STRADA: variants seen among roughly 807,000 people sequenced by gnomAD.
STRADA encodes STE20-related kinase adapter protein alpha.
In STRADA, 26 loss-of-function variants were observed where a neutral mutation model predicts 55.0. The observed-to-expected ratio is 0.47, with a 90% confidence interval of 0.35 to 0.66. The LOEUF (loss-of-function observed/expected upper bound fraction) is 0.66. Among genes scored for constraint, STRADA ranks in the 30% least tolerant of loss-of-function variants. STRADA has a pLI of 0.01. For synonymous variants in STRADA, 197 were observed against 210.9 expected (o/e 0.93, Z 0.57); for missense variants, 443 against 549.7 (o/e 0.81, Z 1.94).
chr17:63,739,140 C>CAAAAAAAA (rs35963636), intron 1 of STRADA, among the ~76,000 whole-genome samples: 1 of 69,378 alleles, frequency 1.4e-5, no homozygotes. Context: ...GACTCCATCT[C>CAAAAAAAA]AAAAAAAAAA....
At chr17:63,740,173 C>CACAA (rs1405299241) in intron 1 of STRADA, among the ~76,000 whole-genome samples, 3 of 145,670 alleles carry the variant, frequency 2.1e-5, no homozygotes, top group Admixed American at 6.9e-5. Flanking sequence ...CACACACACA[C>CACAA]ACACACACAC....
intron 1 of STRADA, chr17:63,741,075 GAA>G (rs956304386): frequency 5.9e-5 from 9 of 151,924 alleles, no homozygotes; most frequent in African/African-American, 2.2e-4. Context: ...CTTTCTCCGG[GAA>G]AGTCAAGTTA....
At chr17:63,740,115 T>C (rs1249476329) in intron 1 of STRADA, among the ~76,000 whole-genome samples, 19 of 82,440 alleles carry the variant, frequency 2.3e-4, no homozygotes, top group African/African-American at 3.7e-4. Context: ...TATACATACA[T>C]ACATATATAT....
At chr17:63,739,140 CAAAAAAAA>C (rs35963636) in intron 1 of STRADA, among the ~76,000 whole-genome samples, 3 of 69,396 alleles carry the variant, frequency 4.3e-5, no homozygotes, top group Non-Finnish European at 7.7e-5. Flanking sequence ...GACTCCATCT[CAAAAAAAA>C]AAAAAAAAAA....
At chr17:63,734,289 T>C (rs1044608982) in intron 1 of STRADA, among the ~76,000 whole-genome samples, 4 of 152,320 alleles carry the variant, frequency 2.6e-5, no homozygotes, top group African/African-American at 9.6e-5. Context: ...GTTCTAAAAA[T>C]GCTTTTATTA....
chr17:63,713,933 C>T, intron 5 of STRADA, 73 bp downstream of exon 5: 4 of 1,248,670 alleles, frequency 3.2e-6, no homozygotes, highest in Non-Finnish European at 4.7e-6. Flanking sequence ...GTACACACAT[C>T]TGGGGCTGCT....
At chr17:63,738,210 G>A (rs1456743851) in intron 1 of STRADA, among the ~76,000 whole-genome samples, 3 of 150,646 alleles carry the variant, frequency 2.0e-5, no homozygotes, top group Non-Finnish European at 4.4e-5. Context: ...GCATGGTGGC[G>A]GGCACCTGTA....
intron 1 of STRADA, among the ~76,000 whole-genome samples, chr17:63,736,680 G>C (rs757370181): frequency 1.3e-5 from 2 of 151,692 alleles, no homozygotes; most frequent in Admixed American, 6.6e-5. Context: ...GATATCTCAA[G>C]ATGATAGCTA....
At chr17:63,730,668 G>A (rs2037975420) in intron 1 of STRADA, among the ~76,000 whole-genome samples, 1 of 151,460 alleles carries the variant, frequency 6.6e-6, no homozygotes, top group South Asian at 2.1e-4. Context: ...GTGATTCTCT[G>A]GCTTCAGCCT....
Position 63,704,601 on chromosome 17 carries a change from G to A in STRADA, c.859-19C>T. 2 of 1,346,268 alleles carry A rather than the reference G, an allele frequency of 1.5e-6. No individual in the cohort carries two copies. Among genetic ancestry groups the A allele is most frequent in the Non-Finnish European group, 1.9e-6 (2 of 1,033,454 alleles). 83.4% of individuals were successfully genotyped at this position (1,346,268 alleles called of 1,614,324 possible). On this transcript the variant is annotated intron_variant, in intron 10 of 12. Transcript: ENST00000336174. ...GCAGCATCTGGGGAGGACAGAACCA[G>A]GACCTGGGCTGTAGCGGGTGGGGGG... is the stretch of plus-strand genomic sequence containing the variant.
intron 10 of STRADA, chr17:63,704,789 A>T: frequency 6.5e-7 from 1 of 1,534,582 alleles, no homozygotes; most frequent in Non-Finnish European, 8.7e-7. Flanking sequence ...AGCCAGGCCA[A>T]CGTGAAAGGA....
rs36091754 is a variant in STRADA at position 63,728,735 on chromosome 17, T to TA, written c.-44-323dup. On this transcript the variant is annotated intron_variant, in intron 1 of 12. Coordinates refer to ENST00000336174, the MANE Select transcript of STRADA (RefSeq NM_001003787.4). ...CCAACATGGTGAAACCCCATCTCTA[T>TA]AAAAAAAAAAAAAAAAAAAAAAAAA... 1.4e-3 allele frequency among the ~76,000 whole-genome samples: 159 copies of TA among 112,376 alleles called. 1 individual carries two copies. Among genetic ancestry groups the TA allele is most frequent in the East Asian group, 5.0e-3 (19 of 3,828 alleles). The allele number at this position is 112,376 out of a possible 152,430, so 73.7% of individuals were successfully genotyped here. A position where few individuals can be genotyped will look rare whatever the true frequency, so the allele number is the denominator to read the frequency against.
intron 11 of STRADA, 37 bp from the exon 12 acceptor site, chr17:63,704,084 G>T (rs767459337): frequency 1.9e-6 from 3 of 1,605,740 alleles, no homozygotes; most frequent in Non-Finnish European, 2.6e-6. Flanking sequence ...CAGCATCACT[G>T]CCGTGTCCCC....
At chr17:63,741,865 C>A (rs945991612), upstream of STRADA, 1 of 152,406 alleles carries the variant, frequency 6.6e-6, no homozygotes, top group Non-Finnish European at 1.5e-5. Flanking sequence ...AGTGGGGCGA[C>A]CGGGAGGACT....
At position 63,709,441 on chromosome 17, in the gene STRADA, T is replaced by TC. The variant is rs141440256; in HGVS notation, c.581+1049dup. Among the ~76,000 whole-genome samples, 4 of 152,354 alleles carry TC rather than the reference T, an allele frequency of 2.6e-5. No individual in the cohort carries two copies. In the East Asian group the frequency reaches 7.7e-4, roughly 29 times the overall value. On this transcript the variant is annotated intron_variant, in intron 8 of 12. Coordinates refer to ENST00000336174, the MANE Select transcript of STRADA (RefSeq NM_001003787.4). ...TTGGCCCATTTTTCTTGCTTTGCTG[T>TC]CCATTTCTTGTTGATTTGCAAGATT...
intron 3 of STRADA, among the ~76,000 whole-genome samples, chr17:63,724,464 C>T (rs1308743094): frequency 7.5e-5 from 11 of 146,716 alleles, no homozygotes; most frequent in African/African-American, 2.3e-4. Context: ...TTTTTTGAGA[C>T]GGAGTCTCCC....
At chr17:63,740,123 T>TATATATATATAC in intron 1 of STRADA, among the ~76,000 whole-genome samples, 1 of 78,422 alleles carries the variant, frequency 1.3e-5, no homozygotes, top group South Asian at 5.6e-4. Context: ...CATACATATA[T>TATATATATATAC]ATATACACAT....
In STRADA at chr17:63,724,694, G is replaced by A. The variant is rs142623778; in HGVS notation, c.95-1368C>T. On this transcript the variant is annotated intron_variant, in intron 3 of 12. Coordinates refer to ENST00000336174, the MANE Select transcript of STRADA (RefSeq NM_001003787.4). ...CCCAAAGTGCTGGGATTCCATGCAT[G>A]AGCCACCGTGCCCAGCCTCATTGTT... 2.6e-3 allele frequency among the ~76,000 whole-genome samples: 397 copies of A among 151,880 alleles called. 2 individuals are homozygous for A. The highest frequency in any genetic ancestry group is 0.01 in the Middle Eastern group (3 of 288).
chr17:63,716,743 G>A (rs1310556525), intron 4 of STRADA, among the ~76,000 whole-genome samples: 1 of 152,194 alleles, frequency 6.6e-6, no homozygotes, highest in South Asian at 2.1e-4. Context: ...AAGGCACTGA[G>A]AAATTCTGTA....
Sources: allele counts gnomAD v4.1 joint callset (sites outside exome capture counted in the v4.1 genomes callset), GRCh38; gene constraint gnomAD v4.1.1; transcripts MANE v1.5; gene names NCBI Gene and HGNC (gene_info 2026-07-23, HGNC 2026-07-21).